ZRSR2: variants seen among roughly 807,000 people sequenced by gnomAD.
The protein encoded by ZRSR2 is U2 small nuclear ribonucleoprotein auxiliary factor 35 kDa subunit-related protein 2.
ZRSR2 carries 3 observed loss-of-function variants against 39.4 expected under a neutral mutation model. That is an observed-to-expected ratio of 0.08 (90% CI 0.03 to 0.20). The LOEUF (loss-of-function observed/expected upper bound fraction) is 0.20. Ranked by LOEUF, ZRSR2 falls within the 10% of genes least tolerant of loss-of-function variation. The pLI, the probability that ZRSR2 is intolerant of heterozygous loss-of-function variation, is 1.00. For synonymous variants in ZRSR2, 137 were observed against 136.0 expected (o/e 1.01, Z -0.05); for missense variants, 256 against 391.5 (o/e 0.65, Z 2.92).
intron 7 of ZRSR2, among the ~76,000 whole-genome samples, chrX:15,811,550 G>C (rs943523261): frequency 9.0e-6 from 1 of 111,000 alleles, no homozygotes; most frequent in Non-Finnish European, 1.9e-5. Flanking sequence ...TTAGCCTCTC[G>C]AGTAGTTGGG....
rs1156634947 is a variant in ZRSR2, at chrX:15,809,060, A to G, written c.439-140A>G. 12 of 512,548 alleles carry G rather than the reference A, an allele frequency of 2.3e-5. No individual in the cohort carries two copies. In the East Asian group the frequency reaches 2.4e-4, roughly 10 times the overall value. The allele number at this position is 512,548 out of a possible 1,213,427, so 42.2% of individuals were successfully genotyped here. ...CAGTACCGTTGTTTGTAAAGTCTTG[A>G]TTGCCTGTTCCAACTTAAATGTTTG... On this transcript the variant is annotated intron_variant, in intron 6 of 10. Transcript: ENST00000307771.
chrX:15,814,625 G>A (rs1932935183), intron 7 of ZRSR2, among the ~76,000 whole-genome samples: 1 of 111,694 alleles, frequency 9.0e-6, no homozygotes, highest in Admixed American at 9.5e-5. Flanking sequence ...ACAAGACCCT[G>A]TCTCAAAAAC....
chrX:15,809,226 C>A lies in ZRSR2; in HGVS notation c.465C>A (p.Asn155Lys). 8.3e-7 allele frequency: 1 copy of A among 1,209,827 alleles called. No homozygotes were observed. Among genetic ancestry groups the A allele is most frequent in the Non-Finnish European group, 1.1e-6 (1 of 893,828 alleles). ...NELENGTTWQ[N>K]PEPPVDFRVM... The stretch of plus-strand genomic sequence containing the variant: ...TGGAAAATGGTACCACATGGCAAAA[C>A]CCAGAACCACCCGTGGATTTCAGAG... Residue 155 changes from asparagine (N) to lysine (K), a missense_variant, in exon 7 of 11, where the codon AAC becomes AAA. Physicochemically the swap from Asn to Lys is moderately conservative, Grantham distance 94. Coordinates refer to ENST00000307771, the MANE Select transcript of ZRSR2 (RefSeq NM_005089.4).
chrX:15,810,492 G>T (rs1273639381), intron 7 of ZRSR2, among the ~76,000 whole-genome samples: 1 of 111,719 alleles, frequency 9.0e-6, no homozygotes, highest in Non-Finnish European at 1.9e-5. Flanking sequence ...GAAACCATAT[G>T]TCATCTGTCA....
intron 5 of ZRSR2, among the ~76,000 whole-genome samples, chrX:15,807,949 A>G (rs1471853676): frequency 9.0e-6 from 1 of 110,625 alleles, no homozygotes; most frequent in Admixed American, 9.6e-5. Context: ...CTGAGGTGGG[A>G]GGATCACTTG....
chrX:15,803,900 G>GC (rs1932750787), intron 4 of ZRSR2, 104 bp downstream of exon 4: 8 of 1,034,446 alleles, frequency 7.7e-6, no homozygotes, highest in Middle Eastern at 2.5e-4. Flanking sequence ...CTGAGATCAC[G>GC]CCATTGCACT....
chrX:15,802,620 T>A (rs938304373), intron 3 of ZRSR2, among the ~76,000 whole-genome samples: 5 of 109,853 alleles, frequency 4.6e-5, no homozygotes, highest in Middle Eastern at 4.3e-3. Flanking sequence ...CCACCACGCC[T>A]GGCTAATTTT....
intron 2 of ZRSR2, among the ~76,000 whole-genome samples, chrX:15,799,318 G>A (rs1005005632): frequency 3.6e-5 from 4 of 111,010 alleles, no homozygotes; most frequent in Admixed American, 2.9e-4. Context: ...GCTTTCATTC[G>A]ATGTTTTTAA....
At chrX:15,812,880 C>T (rs1932907119) in intron 7 of ZRSR2, among the ~76,000 whole-genome samples, 1 of 112,132 alleles carries the variant, frequency 8.9e-6, no homozygotes, top group East Asian at 2.8e-4. Flanking sequence ...TCTAGAAAGA[C>T]AGAAATTTTC....
intron 7 of ZRSR2, among the ~76,000 whole-genome samples, chrX:15,813,669 T>C (rs921754989): frequency 4.5e-5 from 5 of 112,101 alleles, no homozygotes; most frequent in Non-Finnish European, 7.5e-5. Flanking sequence ...TTGAGCAGAA[T>C]TTTAACCTCA....
chrX:15,822,626 A>G, intron 10 of ZRSR2, 105 bp from the exon 11 acceptor site: 1 of 1,163,989 alleles, frequency 8.6e-7, no homozygotes, highest in Non-Finnish European at 1.1e-6. Context: ...AGTAGAAAAT[A>G]GTTCTAGCAT....
At chrX:15,807,903 G>A (rs984198876) in intron 5 of ZRSR2, among the ~76,000 whole-genome samples, 20 of 109,536 alleles carry the variant, frequency 1.8e-4, no homozygotes, top group Admixed American at 3.9e-4. Context: ...ATCCAGGCGT[G>A]GTGGTGTGCG....
At chrX:15,800,317 G>A (rs1448699881) in intron 3 of ZRSR2, among the ~76,000 whole-genome samples, 2 of 107,172 alleles carry the variant, frequency 1.9e-5, no homozygotes, top group African/African-American at 6.8e-5. Context: ...CTTCCGAGTA[G>A]CTGGGACAAC....
Position 15,803,760 on chromosome X carries a change from G to C in ZRSR2, c.276G>C (p.Lys92Asn), listed in dbSNP as rs1932744569. Residue 92 changes from lysine to asparagine, a missense_variant, in exon 4 of 11, where the codon AAG becomes AAC. Physicochemically the swap from Lys to Asn is moderately conservative, Grantham distance 94. Coordinates refer to ENST00000307771, the MANE Select transcript of ZRSR2 (RefSeq NM_005089.4). ...AQEEFRIKKE[K>N]EEAAKKRQEE... Reference sequence around the variant, plus strand: ...AAGAATTCAGAATAAAGAAGGAAAAGGAAGAGGCGGCTAAAAAACGGCAAG... The same window carrying C: ...AAGAATTCAGAATAAAGAAGGAAAACGAAGAGGCGGCTAAAAAACGGCAAG... 14 of 1,197,818 alleles carry C rather than the reference G, an allele frequency of 1.2e-5. No homozygotes were observed. The highest frequency in any genetic ancestry group is 1.6e-5 in the Non-Finnish European group (14 of 887,956).
chrX:15,804,047 C>T (rs1377909099), intron 4 of ZRSR2, 64 bp from the exon 5 acceptor site: 10 of 1,091,299 alleles, frequency 9.2e-6, no homozygotes, highest in East Asian at 6.8e-5. Context: ...CATCTATGTG[C>T]GCTGTATGTG....
chrX:15,817,968 C>T (rs770371544), intron 8 of ZRSR2, among the ~76,000 whole-genome samples: 1 of 112,216 alleles, frequency 8.9e-6, no homozygotes, highest in African/African-American at 3.2e-5. Flanking sequence ...TTTATCAATA[C>T]GTATTACCTG....
chrX:15,793,829 C>T (rs993028077), intron 2 of ZRSR2, among the ~76,000 whole-genome samples: 3 of 112,443 alleles, frequency 2.7e-5, no homozygotes, highest in South Asian at 3.6e-4. Flanking sequence ...TGAGCCACTG[C>T]GCCCGGCCAG....
At chrX:15,799,268 G>C (rs1203592337) in intron 2 of ZRSR2, among the ~76,000 whole-genome samples, 1 of 110,050 alleles carries the variant, frequency 9.1e-6, no homozygotes, top group Non-Finnish European at 1.9e-5. Flanking sequence ...CATGTCTGGG[G>C]TGATATGTTG....
intron 10 of ZRSR2, among the ~76,000 whole-genome samples, chrX:15,820,758 C>T (rs772648624): frequency 8.9e-6 from 1 of 112,345 alleles, no homozygotes; most frequent in Admixed American, 9.4e-5. Flanking sequence ...TGACCACCTA[C>T]GTTACCTTGC....
Sources: gnomAD v4.1 joint callset for allele counts (sites outside exome capture counted in the v4.1 genomes callset) on GRCh38, gnomAD v4.1.1 for gene constraint, MANE v1.5 for transcripts, NCBI Gene and HGNC (gene_info 2026-07-23, HGNC 2026-07-21) for gene names.